The following MAP6 variants were observed in gnomAD, a reference collection of about 807,000 sequenced individuals.
MAP6 encodes microtubule associated protein 6.
MAP6 carries 26 observed loss-of-function variants against 42.4 expected under a neutral mutation model. That is an observed-to-expected ratio of 0.61 (90% CI 0.45 to 0.85). The LOEUF (loss-of-function observed/expected upper bound fraction) is 0.85. MAP6 is among the 40% of genes least tolerant of loss of function. The probability of loss-of-function intolerance (pLI) is 0.00; values close to 1 mark genes in which losing one functional copy is unlikely to be tolerated. For missense variants in MAP6, 966 were observed against 1,099.0 expected (o/e 0.88, Z 1.71); for synonymous variants, 418 against 443.8 (o/e 0.94, Z 0.73).
intron 1 of MAP6, among the ~76,000 whole-genome samples, chr11:75,660,225 T>TG (rs1304388908): frequency 4.6e-5 from 7 of 152,170 alleles, no homozygotes; most frequent in Non-Finnish European, 1.0e-4. Flanking sequence ...CTCTACTCCT[T>TG]TTCCAAGGGT....
At chr11:75,632,996 T>C (rs955343094) in intron 1 of MAP6, among the ~76,000 whole-genome samples, 2 of 150,858 alleles carry the variant, frequency 1.3e-5, no homozygotes, top group Admixed American at 1.3e-4. Context: ...GTTTCTTTTC[T>C]TTTTTTCTTT....
intron 3 of MAP6, among the ~76,000 whole-genome samples, chr11:75,598,039 G>A (rs569127159): frequency 2.6e-4 from 40 of 152,328 alleles, no homozygotes; most frequent in African/African-American, 9.6e-4. Context: ...CCTCACCGCA[G>A]GCCTGGGAAT....
At chr11:75,611,947 C>T (rs1304188121) in intron 1 of MAP6, among the ~76,000 whole-genome samples, 1 of 152,282 alleles carries the variant, frequency 6.6e-6, no homozygotes, top group Non-Finnish European at 1.5e-5. Flanking sequence ...CCACAGCCCA[C>T]AGCCTTCCCA....
intron 1 of MAP6, among the ~76,000 whole-genome samples, chr11:75,609,862 A>C (rs1942858305): frequency 6.6e-6 from 1 of 152,128 alleles, no homozygotes; most frequent in South Asian, 2.1e-4. Flanking sequence ...TCTAAAACTC[A>C]CGTTGAAACT....
intron 1 of MAP6, among the ~76,000 whole-genome samples, chr11:75,611,373 T>C (rs904215548): frequency 5.3e-5 from 8 of 152,244 alleles, no homozygotes; most frequent in African/African-American, 1.9e-4. Flanking sequence ...TGCAGCCTCC[T>C]GCATCCCTGC....
chr11:75,666,358 AGCT>A (rs149273116), intron 1 of MAP6, among the ~76,000 whole-genome samples: 2,566 of 152,316 alleles, frequency 0.017, 73 homozygotes, highest in African/African-American at 0.059. Flanking sequence ...GAATGGCTGA[AGCT>A]GCAGCAGAGG....
chr11:75,646,003 T>C (rs1943547657), intron 1 of MAP6, among the ~76,000 whole-genome samples: 1 of 151,002 alleles, frequency 6.6e-6, no homozygotes, highest in Non-Finnish European at 1.5e-5. Flanking sequence ...AGATGAGAAA[T>C]TCATGGAATG....
chr11:75,604,061 C>G (rs924528330), intron 3 of MAP6: 1 of 985,886 alleles, frequency 1.0e-6, no homozygotes, highest in Non-Finnish European at 1.2e-6. Flanking sequence ...AAATCTGTGA[C>G]TCATAAACAC....
At chr11:75,643,392 T>C (rs952031865) in intron 1 of MAP6, among the ~76,000 whole-genome samples, 4 of 152,174 alleles carry the variant, frequency 2.6e-5, no homozygotes, top group African/African-American at 9.7e-5. Flanking sequence ...ATTTGTTTCT[T>C]CATCCAGAAT....
At chr11:75,665,558 G>A (rs1943932631) in intron 1 of MAP6, among the ~76,000 whole-genome samples, 1 of 152,196 alleles carries the variant, frequency 6.6e-6, no homozygotes, top group Non-Finnish European at 1.5e-5. Context: ...AAGAGGCCAA[G>A]CCAGTAATCT....
intron 1 of MAP6, among the ~76,000 whole-genome samples, chr11:75,639,439 T>G (rs1943424779): frequency 6.6e-6 from 1 of 152,188 alleles, no homozygotes; most frequent in South Asian, 2.1e-4. Flanking sequence ...TGAAAACTGG[T>G]GAAATGAGTA....
Position 75,605,843 on chromosome 11 carries a change from G to C in MAP6, c.1281C>G (p.Ser427Arg), listed in dbSNP as rs750351153. 6.8e-6 allele frequency: 11 copies of C among 1,614,086 alleles called. No individual in the cohort carries two copies. The highest frequency in any genetic ancestry group is 9.3e-6 in the Non-Finnish European group (11 of 1,180,016). ...STTKPDDKEQ[S>R]KEMNNKLAEA... ...CAGCCAGTTTATTGTTCATCTCTTT[G>C]CTTTGCTCCTTGTCGTCTGGCTTGG... Residue 427 changes from serine (S) to arginine (R), a missense_variant, in exon 3 of 4, where the codon AGC (serine) becomes AGG (arginine). Ser to Arg is a moderately radical substitution (Grantham distance 110). This residue lies in a region of MAP6 where 943 missense variants were observed against 1,049.9 expected (regional missense o/e 0.90). Coordinates refer to ENST00000304771, the MANE Select transcript of MAP6 (RefSeq NM_033063.2).
chr11:75,668,414 A>T lies in MAP6; in HGVS notation c.-45T>A, dbSNP rs774023770. 12 of 1,551,230 alleles carry T rather than the reference A, an allele frequency of 7.7e-6. No homozygotes were observed. Among genetic ancestry groups the T allele is most frequent in the Non-Finnish European group, 9.5e-6 (11 of 1,155,820 alleles). The stretch of plus-strand genomic sequence containing the variant: ...GCCTCCTCTTTCTTCTTGTGGTTCT[A>T]AAGCAAGTCTCTATAATCTTCCTTC... On this transcript the variant is annotated 5_prime_UTR_variant, in exon 1 of 4. Transcript: ENST00000304771.
At chr11:75,636,783 C>T (rs1424164081) in intron 1 of MAP6, among the ~76,000 whole-genome samples, 1 of 152,150 alleles carries the variant, frequency 6.6e-6, no homozygotes, top group East Asian at 1.9e-4. Context: ...CCTGCTTGCC[C>T]CAGCTTATCC....
intron 1 of MAP6, among the ~76,000 whole-genome samples, chr11:75,638,810 A>G (rs1943414373): frequency 6.6e-6 from 1 of 152,214 alleles, no homozygotes; most frequent in Non-Finnish European, 1.5e-5. Context: ...CTGGGTATCT[A>G]CCCCAAAAGA....
intron 3 of MAP6, among the ~76,000 whole-genome samples, chr11:75,593,302 T>A (rs1301124848): frequency 1.3e-5 from 2 of 152,250 alleles, no homozygotes; most frequent in Admixed American, 6.5e-5. Flanking sequence ...TGTGCCAGGC[T>A]CTGTCCTATT....
chr11:75,608,441 G>A (rs1289407289), intron 1 of MAP6, 119 bp from the exon 2 acceptor site: 3 of 764,506 alleles, frequency 3.9e-6, no homozygotes, highest in Non-Finnish European at 6.6e-6. Flanking sequence ...TGACTGAAGT[G>A]TGGCTGGAGG....
At chr11:75,636,370 C>G (rs1315864491) in intron 1 of MAP6, among the ~76,000 whole-genome samples, 1 of 152,162 alleles carries the variant, frequency 6.6e-6, no homozygotes, top group Non-Finnish European at 1.5e-5. Context: ...TTCCTCTTAA[C>G]CAAAGAGTGC....
chr11:75,609,507 C>A (rs1378741874), intron 1 of MAP6, among the ~76,000 whole-genome samples: 2 of 152,358 alleles, frequency 1.3e-5, no homozygotes, highest in African/African-American at 4.8e-5. Context: ...GCGACGGAGA[C>A]ACGCAGGCTC....
Sources: gnomAD v4.1 joint callset for allele counts (sites outside exome capture counted in the v4.1 genomes callset) on GRCh38, gnomAD v4.1.1 for gene constraint, gnomAD v4.1.1 regional missense constraint, MANE v1.5 for transcripts, NCBI Gene and HGNC (gene_info 2026-07-23, HGNC 2026-07-21) for gene names.